Variants in RPS6KC1 observed in about 807,000 individuals in gnomAD.
The protein encoded by RPS6KC1 is inactive ribosomal protein S6 kinase delta-1.
In RPS6KC1, 54 loss-of-function variants were observed where a neutral mutation model predicts 103.8. That is an observed-to-expected ratio of 0.52 (90% CI 0.42 to 0.65). RPS6KC1 has a LOEUF of 0.65. Ranked by LOEUF, RPS6KC1 falls within the 30% of genes least tolerant of loss-of-function variation. The pLI is 0.00. For synonymous variants in RPS6KC1, 439 were observed against 438.7 expected (o/e 1.00, Z -0.01); for missense variants, 1,151 against 1,253.8 (o/e 0.92, Z 1.24).
At chr1:213,392,792 A>G in the RPS6KC1 span, among the ~76,000 whole-genome samples, 10 of 152,358 alleles carry the variant, frequency 6.6e-5, no homozygotes, top group Middle Eastern at 3.4e-3. Flanking sequence ...ATACCAACGC[A>G]TGCATCTTCC....
the RPS6KC1 span, among the ~76,000 whole-genome samples, chr1:213,620,944 T>A: frequency 6.6e-6 from 1 of 152,196 alleles, no homozygotes; most frequent in Admixed American, 6.5e-5. Flanking sequence ...GCTAACTCAT[T>A]GTCCACAACA....
chr1:213,103,188 A>C (rs1304314601), intron 3 of RPS6KC1, among the ~76,000 whole-genome samples: 1 of 150,820 alleles, frequency 6.6e-6, no homozygotes, highest in Non-Finnish European at 1.5e-5. Context: ...CCTGTCTCAA[A>C]AAAAAAAAAA....
At chr1:213,287,223 G>A in the RPS6KC1 span, among the ~76,000 whole-genome samples, 1 of 137,602 alleles carries the variant, frequency 7.3e-6, no homozygotes, top group African/African-American at 2.7e-5. Flanking sequence ...CTTCTGGGGT[G>A]CCTATACAAT....
chr1:213,411,433 G>T, the RPS6KC1 span, among the ~76,000 whole-genome samples: 1 of 152,216 alleles, frequency 6.6e-6, no homozygotes, highest in East Asian at 1.9e-4. Flanking sequence ...GAGAACATTA[G>T]AAGTACTGCT....
At chr1:213,623,330 AAT>A in the RPS6KC1 span, among the ~76,000 whole-genome samples, 1 of 152,162 alleles carries the variant, frequency 6.6e-6, no homozygotes, top group African/African-American at 2.4e-5. Context: ...ACCGTGTATT[AAT>A]AGTTTCATTC....
chr1:213,823,375 G>A, the RPS6KC1 span, among the ~76,000 whole-genome samples: 9 of 152,126 alleles, frequency 5.9e-5, no homozygotes, highest in Admixed American at 5.9e-4. Context: ...CCTGGCACAC[G>A]ATAGATGCTC....
At chr1:213,375,045 A>G in the RPS6KC1 span, among the ~76,000 whole-genome samples, 1 of 152,030 alleles carries the variant, frequency 6.6e-6, no homozygotes, top group African/African-American at 2.4e-5. Flanking sequence ...ATACACATAC[A>G]TACACACGTA....
the RPS6KC1 span, among the ~76,000 whole-genome samples, chr1:213,459,230 G>A: frequency 1.8e-4 from 27 of 152,204 alleles, no homozygotes; most frequent in East Asian, 3.3e-3. Context: ...GAATCCATCC[G>A]GTCCTGGGCT....
At chr1:213,064,130 C>T in intron 1 of RPS6KC1, among the ~76,000 whole-genome samples, 1 of 152,076 alleles carries the variant, frequency 6.6e-6, no homozygotes, top group East Asian at 1.9e-4. Flanking sequence ...GATCTTGGCT[C>T]TCTGCAACCT....
the RPS6KC1 span, among the ~76,000 whole-genome samples, chr1:213,859,649 C>G: frequency 6.6e-6 from 1 of 152,242 alleles, no homozygotes; most frequent in African/African-American, 2.4e-5. Context: ...TTCTGACTCC[C>G]GTTCTAGATG....
intron 6 of RPS6KC1, among the ~76,000 whole-genome samples, chr1:213,141,540 C>G (rs1248067676): frequency 6.6e-6 from 1 of 151,542 alleles, no homozygotes; most frequent in Non-Finnish European, 1.5e-5. Context: ...CTTTTTTAGT[C>G]TAGCTAGAAG....
chr1:213,421,730 C>T, the RPS6KC1 span, among the ~76,000 whole-genome samples: 5 of 152,204 alleles, frequency 3.3e-5, no homozygotes, highest in African/African-American at 9.7e-5. Flanking sequence ...GTACCTGCTA[C>T]GTGGTAGGTG....
chr1:213,462,160 C>T, the RPS6KC1 span, among the ~76,000 whole-genome samples: 845 of 152,264 alleles, frequency 5.5e-3, 13 homozygotes, highest in African/African-American at 0.02. Context: ...TGAAAAAAAG[C>T]TCATCATCAC....
In RPS6KC1 at chr1:213,104,511, A is replaced by C. The variant is rs776968881; in HGVS notation, c.320A>C (p.Gln107Pro). Residue 107 changes from glutamine (Q) to proline (P), a missense_variant, in exon 4 of 15, where the codon CAG becomes CCG. Transcript: ENST00000366960. ...ERRQCAEDLL[Q>P]FSANIPALYN... ...AGACAATGTGCTGAAGACCTGCTAC[A>C]GTTCTCTGCCAATATTCCTGCTCTT... 2 of 1,612,800 alleles carry C rather than the reference A, an allele frequency of 1.2e-6. No homozygotes were observed. The highest frequency in any genetic ancestry group is 2.7e-5 in the African/African-American group (2 of 74,896).
chr1:213,602,011 C>CT, the RPS6KC1 span, among the ~76,000 whole-genome samples: 37 of 14,094 alleles, frequency 2.6e-3, 1 homozygote, highest in Admixed American at 0.032. Context: ...CTTTTCTTTT[C>CT]TTTTCTTTCT....
chr1:213,281,986 T>G, the RPS6KC1 span, among the ~76,000 whole-genome samples: 1 of 152,208 alleles, frequency 6.6e-6, no homozygotes, highest in African/African-American at 2.4e-5. Context: ...TCTCTTTCTT[T>G]CCTTCCTTTG....
the RPS6KC1 span, among the ~76,000 whole-genome samples, chr1:213,400,292 T>G: frequency 6.6e-6 from 1 of 152,102 alleles, no homozygotes; most frequent in African/African-American, 2.4e-5. Flanking sequence ...TTTATTGAGC[T>G]CGACCATAAG....
the RPS6KC1 span, among the ~76,000 whole-genome samples, chr1:213,578,256 A>G: frequency 6.6e-6 from 1 of 152,242 alleles, no homozygotes; most frequent in Non-Finnish European, 1.5e-5. Context: ...CAGAGGATGT[A>G]TGGAAACACC....
chr1:213,103,926 G>T (rs1249037437), intron 3 of RPS6KC1, among the ~76,000 whole-genome samples: 1 of 152,156 alleles, frequency 6.6e-6, no homozygotes, highest in Non-Finnish European at 1.5e-5. Flanking sequence ...TCACAAGCAT[G>T]CTGTTATGTA....
Sources: gnomAD v4.1 joint callset for allele counts (sites outside exome capture counted in the v4.1 genomes callset) on GRCh38, gnomAD v4.1.1 for gene constraint, MANE v1.5 for transcripts, NCBI Gene and HGNC (gene_info 2026-07-23, HGNC 2026-07-21) for gene names.